RGS21: variants seen among roughly 807,000 people sequenced by gnomAD.
RGS21 encodes regulator of G-protein signalling 21.
RGS21 carries 19 observed loss-of-function variants against 18.7 expected under a neutral mutation model. The ratio of observed to expected loss-of-function variants is 1.01; its 90% confidence interval spans 0.71 to 1.49. RGS21 has a LOEUF of 1.49. Ranked by LOEUF, RGS21 falls within the 40% of genes most tolerant of loss-of-function variation. RGS21 has a pLI of 0.00. For missense variants in RGS21, 194 were observed against 176.8 expected (o/e 1.10, Z -0.55); for synonymous variants, 56 against 57.8 (o/e 0.97, Z 0.14).
At chr1:192,330,991 A>G (rs1658639520) in intron 1 of RGS21, among the ~76,000 whole-genome samples, 1 of 152,156 alleles carries the variant, frequency 6.6e-6, no homozygotes, top group Non-Finnish European at 1.5e-5. Flanking sequence ...TAATTAGGTG[A>G]TTATGATGTA....
chr1:192,335,216 T>C (rs554153887), intron 1 of RGS21, among the ~76,000 whole-genome samples: 6 of 152,250 alleles, frequency 3.9e-5, no homozygotes, highest in Non-Finnish European at 8.8e-5. Flanking sequence ...GTTAAACCTG[T>C]TTGAATCCTT....
Position 192,366,145 on chromosome 1 carries a change from T to A in RGS21, c.*21T>A. On this transcript the variant is annotated 3_prime_UTR_variant, in exon 5 of 5. Coordinates refer to ENST00000417209, the MANE Select transcript of RGS21 (RefSeq NM_001039152.3). ...TGTGAGGAAGGTAAAAGTTAACTAA[T>A]CACTATACTTCAGGGCTACAATATT... is the stretch of plus-strand genomic sequence containing the variant. 7.5e-7 allele frequency: 1 copy of A among 1,330,048 alleles called. No individual in the cohort carries two copies. The highest frequency in any genetic ancestry group is 2.3e-5 in the East Asian group (1 of 43,244). 82.4% of individuals were successfully genotyped at this position (1,330,048 alleles called of 1,614,324 possible).
chr1:192,337,157 C>T (rs1006208319), intron 1 of RGS21, among the ~76,000 whole-genome samples: 12 of 151,818 alleles, frequency 7.9e-5, no homozygotes, highest in African/African-American at 2.7e-4. Context: ...ATTTGTGTTA[C>T]TTCCATTTTT....
At chr1:192,332,502 G>A (rs985151014) in intron 1 of RGS21, among the ~76,000 whole-genome samples, 2 of 152,090 alleles carry the variant, frequency 1.3e-5, no homozygotes, top group Non-Finnish European at 2.9e-5. Flanking sequence ...ACTCTAAAAT[G>A]GTTAGAATAT....
intron 1 of RGS21, among the ~76,000 whole-genome samples, chr1:192,331,238 TA>T (rs201486644): frequency 6.6e-5 from 10 of 151,784 alleles, no homozygotes; most frequent in Non-Finnish European, 1.0e-4. Context: ...GATCTGATTT[TA>T]AAAAAAAATC....
At chr1:192,319,646 C>T (rs1658468377) in intron 1 of RGS21, among the ~76,000 whole-genome samples, 1 of 152,080 alleles carries the variant, frequency 6.6e-6, no homozygotes, top group African/African-American at 2.4e-5. Flanking sequence ...ACTTCTGAAT[C>T]TGCCAGTTAT....
Position 192,362,918 on chromosome 1 carries a change from T to C in RGS21, c.256-3003T>C, listed in dbSNP as rs200406290. On this transcript the variant is annotated intron_variant, in intron 4 of 4. Transcript: ENST00000417209. ...GGCATACTAAAGGATGTTCAAAATG[T>C]AAATATCATCTTAGCAATGCAAAAT... 3.3e-5 allele frequency among the ~76,000 whole-genome samples: 5 copies of C among 152,102 alleles called. No homozygotes were observed. The East Asian group carries it at 7.7e-4, about 23-fold the overall frequency.
At chr1:192,344,832 AC>A (rs1658924202) in intron 2 of RGS21, among the ~76,000 whole-genome samples, 1 of 152,064 alleles carries the variant, frequency 6.6e-6, no homozygotes, top group Non-Finnish European at 1.5e-5. Context: ...CAGCAGAGGT[AC>A]TCCTTCAGAG....
At chr1:192,323,395 C>A (rs17413409) in intron 1 of RGS21, among the ~76,000 whole-genome samples, 73,192 of 151,918 alleles carry the variant, frequency 0.48, 18,786 homozygotes, top group African/African-American at 0.65. Flanking sequence ...TGAGCACTTA[C>A]GGCTCTGTTG....
intron 3 of RGS21, among the ~76,000 whole-genome samples, chr1:192,349,903 T>C (rs1659012189): frequency 6.6e-6 from 1 of 152,190 alleles, no homozygotes; most frequent in South Asian, 2.1e-4. Flanking sequence ...GATGATACAC[T>C]ATAAAATATT....
chr1:192,328,877 T>C (rs1354418110), intron 1 of RGS21, among the ~76,000 whole-genome samples: 2 of 152,142 alleles, frequency 1.3e-5, no homozygotes, highest in Non-Finnish European at 2.9e-5. Flanking sequence ...ACAAGAATCA[T>C]ATTTATTGGT....
At chr1:192,359,375 G>A (rs937460137) in intron 4 of RGS21, among the ~76,000 whole-genome samples, 1 of 151,938 alleles carries the variant, frequency 6.6e-6, no homozygotes, top group African/African-American at 2.4e-5. Flanking sequence ...AGCAACTCAG[G>A]AGTGCCTTCA....
intron 4 of RGS21, 65 bp downstream of exon 4, chr1:192,352,278 C>A (rs1027145549): frequency 5.3e-6 from 6 of 1,125,268 alleles, no homozygotes; most frequent in Non-Finnish European, 7.3e-6. Flanking sequence ...AATTAGAAGA[C>A]CTTAAATCCA....
chr1:192,343,973 T>G (rs1425642547), intron 2 of RGS21, among the ~76,000 whole-genome samples: 3 of 152,088 alleles, frequency 2.0e-5, no homozygotes, highest in Non-Finnish European at 4.4e-5. Flanking sequence ...CAACTTTTAT[T>G]CAATAGATTT....
At chr1:192,330,208 C>T (rs556239733) in intron 1 of RGS21, among the ~76,000 whole-genome samples, 3 of 152,176 alleles carry the variant, frequency 2.0e-5, no homozygotes, top group East Asian at 1.9e-4. Context: ...ATAGGTGTTA[C>T]GAAAGTTCAG....
rs1376699094 is a variant in RGS21 at position 192,366,039 on chromosome 1, C to T, written c.374C>T (p.Pro125Leu). Residue 125 changes from proline to leucine, a missense_variant, in exon 5 of 5, where the codon CCT (proline) becomes CTT (leucine). Transcript: ENST00000417209. Reference protein sequence around the residue: ...IYCLMAKDSFPRFLKSEIYKK... With the variant: ...IYCLMAKDSFLRFLKSEIYKK... ...TGTCTCATGGCCAAGGATTCTTTCC[C>T]TCGATTTCTGAAGTCAGAGATTTAT... 1 of 1,611,216 alleles carries T rather than the reference C, an allele frequency of 6.2e-7. No homozygotes were observed. The highest frequency in any genetic ancestry group is 1.3e-5 in the African/African-American group (1 of 74,772).
chr1:192,319,945 T>C (rs1205494573), intron 1 of RGS21, among the ~76,000 whole-genome samples: 2 of 152,068 alleles, frequency 1.3e-5, no homozygotes, highest in Non-Finnish European at 2.9e-5. Context: ...TCAATTGTGT[T>C]TTACCTGTGG....
intron 3 of RGS21, among the ~76,000 whole-genome samples, chr1:192,349,765 T>C (rs1434419490): frequency 6.6e-6 from 1 of 152,138 alleles, no homozygotes; most frequent in East Asian, 1.9e-4. Flanking sequence ...TACTAATTTT[T>C]AGTTGAGAGT....
intron 1 of RGS21, among the ~76,000 whole-genome samples, chr1:192,318,001 G>A (rs1658443251): frequency 6.6e-6 from 1 of 151,782 alleles, no homozygotes. Context: ...ACATATTAGT[G>A]GTTTGTACCA....
Sources: allele counts gnomAD v4.1 joint callset (sites outside exome capture counted in the v4.1 genomes callset), GRCh38; gene constraint gnomAD v4.1.1; transcripts MANE v1.5; gene names NCBI Gene and HGNC (gene_info 2026-07-23, HGNC 2026-07-21).